The following ACTN2 variants were observed in gnomAD, a reference collection of about 807,000 sequenced individuals.
ACTN2 encodes alpha-actinin-2.
A neutral mutation model predicts 113.8 loss-of-function variants in ACTN2; 39 were observed. The observed-to-expected ratio is 0.34, with a 90% CI of 0.27 to 0.45. ACTN2 has a LOEUF of 0.45. Among genes scored for constraint, ACTN2 ranks in the 20% least tolerant of loss-of-function variants. The pLI is 1.00. For synonymous variants in ACTN2, 429 were observed against 444.1 expected (o/e 0.97, Z 0.43); for missense variants, 992 against 1,177.9 (o/e 0.84, Z 2.31).
intron 5 of ACTN2, among the ~76,000 whole-genome samples, chr1:236,726,779 G>A (rs1658560983): frequency 1.3e-5 from 2 of 152,192 alleles, no homozygotes; most frequent in African/African-American, 4.8e-5. Context: ...GCCAGGCCTT[G>A]GGAAGACAAA....
intron 5 of ACTN2, among the ~76,000 whole-genome samples, chr1:236,726,431 T>A (rs1266679158): frequency 1.3e-5 from 2 of 152,182 alleles, no homozygotes; most frequent in African/African-American, 2.4e-5. Context: ...AGGAAATAGA[T>A]CCTTCATCCA....
chr1:236,724,307 G>A, intron 4 of ACTN2, among the ~76,000 whole-genome samples: 1 of 152,306 alleles, frequency 6.6e-6, no homozygotes, highest in East Asian at 1.9e-4. Context: ...ACCTCCTAAA[G>A]GCCCCATCTC....
Position 236,754,583 on chromosome 1 carries a change from T to G in ACTN2, c.1975-436T>G, listed in dbSNP as rs890899735. On this transcript the variant is annotated intron_variant, in intron 16 of 20. Coordinates refer to ENST00000366578, the MANE Select transcript of ACTN2 (RefSeq NM_001103.4). The surrounding 1 kb of genome is among the most constrained non-coding windows in gnomAD (Gnocchi z 4.9). Reference sequence around the variant, plus strand: ...TTTTGGTGTTGAAATATTGACTTTTTTCTTAAAGCGGAGACCATGTAAAAA... The same window carrying G: ...TTTTGGTGTTGAAATATTGACTTTTGTCTTAAAGCGGAGACCATGTAAAAA... 6.6e-6 allele frequency among the ~76,000 whole-genome samples: 1 copy of G among 152,202 alleles called. No homozygotes were observed. Among genetic ancestry groups the G allele is most frequent in the Non-Finnish European group, 1.5e-5 (1 of 68,040 alleles).
In ACTN2 at chr1:236,727,856, C is replaced by T. The variant is rs1302109092; in HGVS notation, c.615+100C>T. On this transcript the variant is annotated intron_variant, in intron 6 of 20. Coordinates refer to ENST00000366578, the MANE Select transcript of ACTN2 (RefSeq NM_001103.4). Reference sequence around the variant, plus strand: ...ACTAGCCTAGCACAAACCCCAGGGCCACCTGCAGAAACGGCCACCAGGAAA... The same window carrying T: ...ACTAGCCTAGCACAAACCCCAGGGCTACCTGCAGAAACGGCCACCAGGAAA... The T allele has an allele frequency of 3.4e-6, 4 of 1,161,756 alleles. No individual in the cohort carries two copies. In the African/African-American group the frequency reaches 4.5e-5, roughly 13 times the overall value. 72.0% of individuals were successfully genotyped at this position (1,161,756 alleles called of 1,614,324 possible). A position where few individuals can be genotyped will look rare whatever the true frequency, so the allele number is the denominator to read the frequency against.
chr1:236,736,989 C>T (rs1479918349), intron 8 of ACTN2, 133 bp from the exon 9 acceptor site: 2 of 717,944 alleles, frequency 2.8e-6, no homozygotes, highest in African/African-American at 3.5e-5. Flanking sequence ...AGTCTGACCG[C>T]ACCCTAAGCT....
intron 15 of ACTN2, among the ~76,000 whole-genome samples, chr1:236,752,361 A>G (rs1425265741): frequency 2.0e-5 from 3 of 152,118 alleles, no homozygotes; most frequent in African/African-American, 4.8e-5. Context: ...GCAAAAGACA[A>G]AAACAGGTAT....
chr1:236,726,881 C>A (rs1658564834), intron 5 of ACTN2, among the ~76,000 whole-genome samples: 1 of 152,190 alleles, frequency 6.6e-6, no homozygotes, highest in African/African-American at 2.4e-5. Flanking sequence ...GTGTCAAAGT[C>A]AGAGTGCCCA....
At chr1:236,707,556 G>A (rs540672976) in intron 1 of ACTN2, among the ~76,000 whole-genome samples, 14 of 152,102 alleles carry the variant, frequency 9.2e-5, no homozygotes, top group Admixed American at 5.9e-4. Context: ...AATTGCCGTC[G>A]CTGATTGCTC....
chr1:236,721,088 C>T (rs1224482935), intron 4 of ACTN2, among the ~76,000 whole-genome samples: 1 of 126,600 alleles, frequency 7.9e-6, no homozygotes, highest in East Asian at 2.5e-4. Flanking sequence ...AGTTCAGTGG[C>T]GCGATCTTGG....
intron 14 of ACTN2, among the ~76,000 whole-genome samples, chr1:236,751,256 A>G (rs1260841666): frequency 6.6e-6 from 1 of 152,186 alleles, no homozygotes. Context: ...AGCCACCAAT[A>G]TTATTAATAG....
At chr1:236,761,432 C>CGTGTGTGTGTGTGT (rs3831321) in intron 20 of ACTN2, among the ~76,000 whole-genome samples, 1 of 150,426 alleles carries the variant, frequency 6.6e-6, no homozygotes, top group African/African-American at 2.4e-5. Context: ...TTTGTACTTG[C>CGTGTGTGTGTGTGT]GTGTGTGTGT....
intron 19 of ACTN2, 63 bp from the exon 20 acceptor site, chr1:236,760,951 GA>G: frequency 4.4e-6 from 7 of 1,604,072 alleles, no homozygotes; most frequent in Non-Finnish European, 6.0e-6. Flanking sequence ...GGGAAAGAAT[GA>G]AAACGGCTCT....
intron 10 of ACTN2, 74 bp from the exon 11 acceptor site, chr1:236,742,822 A>G (rs1356253039): frequency 6.3e-7 from 1 of 1,584,158 alleles, no homozygotes. Context: ...GATTTATAGA[A>G]GAAGCCTGAG....
chr1:236,704,212 C>T (rs993776676), intron 1 of ACTN2, among the ~76,000 whole-genome samples: 3 of 152,148 alleles, frequency 2.0e-5, no homozygotes, highest in African/African-American at 7.2e-5. Context: ...TGTATCATTC[C>T]TGTGTATTAA....
intron 1 of ACTN2, among the ~76,000 whole-genome samples, chr1:236,703,534 C>T (rs1340790493): frequency 1.3e-5 from 2 of 149,424 alleles, no homozygotes; most frequent in Admixed American, 1.4e-4. Context: ...ATGCTTCTAG[C>T]CCTAAAATAG....
chr1:236,723,053 A>C (rs1364459442), intron 4 of ACTN2, among the ~76,000 whole-genome samples: 1 of 152,228 alleles, frequency 6.6e-6, no homozygotes, highest in Admixed American at 6.5e-5. Context: ...AAATTAAGTG[A>C]AACTCCGTGA....
chr1:236,720,407 T>C (rs778149529), intron 4 of ACTN2, among the ~76,000 whole-genome samples: 4 of 152,220 alleles, frequency 2.6e-5, no homozygotes, highest in Non-Finnish European at 4.4e-5. Context: ...GATGAGCACA[T>C]GTTCAGAACA....
intron 17 of ACTN2, among the ~76,000 whole-genome samples, chr1:236,757,190 G>A (rs1379292335): frequency 2.8e-5 from 3 of 105,584 alleles, no homozygotes; most frequent in African/African-American, 1.1e-4. Context: ...TAGAACCCTG[G>A]TAATAGAGTA....
intron 7 of ACTN2, chr1:236,734,515 G>A: frequency 1.3e-6 from 2 of 1,532,922 alleles, no homozygotes; most frequent in Non-Finnish European, 1.7e-6. Context: ...CTGGTGCACA[G>A]AAGGTGAGGA....
Sources: gnomAD v4.1 joint callset for allele counts (sites outside exome capture counted in the v4.1 genomes callset) on GRCh38, gnomAD v4.1.1 for gene constraint, Gnocchi (gnomAD v3.1) non-coding constraint, MANE v1.5 for transcripts, NCBI Gene and HGNC (gene_info 2026-07-23, HGNC 2026-07-21) for gene names.